Variants in AFF3 observed in about 807,000 individuals in gnomAD.
AFF3 encodes AF4/FMR2 family member 3.
In AFF3, 32 loss-of-function variants were observed where a neutral mutation model predicts 129.7. The ratio of observed to expected loss-of-function variants is 0.25; its 90% CI spans 0.19 to 0.33. AFF3 has a LOEUF of 0.33. Among genes scored for constraint, AFF3 ranks in the 10% least tolerant of loss-of-function variants. The pLI is 1.00. For synonymous variants in AFF3, 644 were observed against 635.4 expected, an observed-to-expected ratio of 1.01 and a Z score of -0.20; for missense variants, 1,373 against 1,592.0, an observed-to-expected ratio of 0.86 and a Z score of 2.34.
chr2:99,979,151 C>T (rs925174871), intron 7 of AFF3, among the ~76,000 whole-genome samples: 9 of 151,000 alleles, frequency 6.0e-5, no homozygotes, highest in African/African-American at 2.2e-4. Flanking sequence ...AGATGAGGAC[C>T]GGGACTAAGT....
intron 7 of AFF3, among the ~76,000 whole-genome samples, chr2:99,994,496 CA>C (rs1252020833): frequency 6.6e-6 from 1 of 152,020 alleles, no homozygotes; most frequent in African/African-American, 2.4e-5. Flanking sequence ...TCTAAATGAG[CA>C]TGTAACCTGT....
chr2:100,116,577 A>C (rs1343294574), intron 2 of AFF3, among the ~76,000 whole-genome samples: 2 of 152,144 alleles, frequency 1.3e-5, no homozygotes, highest in Non-Finnish European at 2.9e-5. Flanking sequence ...AAAGTCCAAT[A>C]TTAATTGTTA....
chr2:99,952,851 C>T (rs1313374796), intron 7 of AFF3, among the ~76,000 whole-genome samples: 1 of 152,182 alleles, frequency 6.6e-6, no homozygotes, highest in African/African-American at 2.4e-5. Context: ...GGGTGCAAAT[C>T]CTGCCTCTCG....
At chr2:100,062,959 G>A (rs1687416614) in intron 4 of AFF3, among the ~76,000 whole-genome samples, 1 of 152,118 alleles carries the variant, frequency 6.6e-6, no homozygotes, top group South Asian at 2.1e-4. Context: ...TATCAAAAAT[G>A]ACCAGGCAGG....
chr2:99,954,754 G>C (rs994013354), intron 7 of AFF3, among the ~76,000 whole-genome samples: 2 of 121,536 alleles, frequency 1.6e-5, no homozygotes, highest in African/African-American at 6.2e-5. Context: ...ATCACACTCT[G>C]GGGACTGTTG....
Position 99,738,232 on chromosome 2 carries a change from T to C in AFF3, c.1039+5872A>G, listed in dbSNP as rs866949534. On this transcript the variant is annotated intron_variant, in intron 10 of 24. Coordinates refer to ENST00000672756, the MANE Select transcript of AFF3 (RefSeq NM_001386135.1). ...TCCCTTAGTGCTCTATTTCTGTTATTATTCATTCCTCTCCATTTTCTTTTT... is the reference window on the plus strand; with the variant it reads ...TCCCTTAGTGCTCTATTTCTGTTATCATTCATTCCTCTCCATTTTCTTTTT... Among the ~76,000 whole-genome samples, 9 of 152,236 alleles carry C rather than the reference T, an allele frequency of 5.9e-5. 1 individual carries two copies. Among genetic ancestry groups the C allele is most frequent in the Middle Eastern group, 3.4e-3 (1 of 294 alleles).
intron 13 of AFF3, among the ~76,000 whole-genome samples, chr2:99,628,879 C>A (rs1178662846): frequency 6.6e-6 from 1 of 152,118 alleles, no homozygotes; most frequent in Non-Finnish European, 1.5e-5. Flanking sequence ...TGCCACCATG[C>A]CCAGTTAATT....
intron 8 of AFF3, 84 bp from the exon 9 acceptor site, chr2:99,752,385 G>A (rs1194689832): frequency 6.2e-6 from 7 of 1,135,178 alleles, no homozygotes; most frequent in African/African-American, 4.6e-5. Flanking sequence ...GTACAAGTGG[G>A]CCTTCATAAG....
At chr2:99,862,473 T>C (rs1475147082) in intron 7 of AFF3, among the ~76,000 whole-genome samples, 1 of 152,238 alleles carries the variant, frequency 6.6e-6, no homozygotes, top group Admixed American at 6.5e-5. Flanking sequence ...TCTCAAACCC[T>C]GGATCACTAA....
Position 100,006,777 on chromosome 2 carries a change from T to A in AFF3, c.728A>T (p.Gln243Leu). The A allele has an allele frequency of 6.2e-7, 1 of 1,614,242 alleles. No individual in the cohort carries two copies. The highest frequency in any genetic ancestry group is 8.5e-7 in the Non-Finnish European group (1 of 1,180,044). The change falls in exon 7 of 25, where the codon CAG (glutamine) becomes CTG (leucine). Residue 243 changes from glutamine to leucine, a missense_variant. By Grantham distance (113) the Gln-to-Leu change is moderately radical (BLOSUM62 -2). This residue lies in a region of AFF3 where 413 missense variants were observed against 424.4 expected (regional missense o/e 0.97). Transcript: ENST00000672756. ...CAGCTTAGGAGACTCATCAGGGGCC[T>A]GATCTTGGCCGTCCATTGGCCTCAC... ...AYVRPMDGQDQAPDESPKLKS... is the reference protein window; with the variant it reads ...AYVRPMDGQDLAPDESPKLKS...
intron 7 of AFF3, among the ~76,000 whole-genome samples, chr2:99,882,954 C>A (rs562653099): frequency 2.0e-5 from 3 of 152,134 alleles, no homozygotes; most frequent in Non-Finnish European, 4.4e-5. Context: ...ATGAAGTGAA[C>A]GTTACTTCTA....
At position 100,142,521 on chromosome 2, in the gene AFF3, A is replaced by C. The variant is rs1466509779; in HGVS notation, c.-265T>G. The C allele has an allele frequency of 6.6e-6, 1 of 152,316 alleles. No homozygotes were observed. Among genetic ancestry groups the C allele is most frequent in the Non-Finnish European group, 1.5e-5 (1 of 68,106 alleles). 9.4% of individuals were successfully genotyped at this position (152,316 alleles called of 1,614,324 possible). ...GTTCCTTTTCTTTCTCTCCCCAGTA[A>C]GTCGTTGAACGTCTTTCTTCTGAGG... On this transcript the variant is annotated 5_prime_UTR_variant, in exon 1 of 25. Transcript: ENST00000672756.
chr2:99,959,737 T>G (rs1299895156), intron 7 of AFF3, among the ~76,000 whole-genome samples: 1 of 150,286 alleles, frequency 6.7e-6, no homozygotes, highest in African/African-American at 2.5e-5. Flanking sequence ...TTATTGGCAT[T>G]TTTCCTCCAA....
chr2:99,546,969 CGT>C lies in AFF3; in HGVS notation c.*4503_*4504del. On this transcript the variant is annotated 3_prime_UTR_variant, in exon 25 of 25. Coordinates refer to ENST00000672756, the MANE Select transcript of AFF3 (RefSeq NM_001386135.1). ...GTGCATACGTGCATGCATGTGCGCG[CGT>C]GTGTGCGTATGTGTATGTATCAGGA... 2 of 221,074 alleles carry C rather than the reference CGT, an allele frequency of 9.0e-6. No individual in the cohort carries two copies. The highest frequency in any genetic ancestry group is 2.8e-3 in the Middle Eastern group (2 of 716). The allele number at this position is 221,074 out of a possible 1,614,324, so 13.7% of individuals were successfully genotyped here.
chr2:100,011,699 A>G, intron 4 of AFF3: 1 of 706,074 alleles, frequency 1.4e-6, no homozygotes, highest in South Asian at 1.5e-5. Flanking sequence ...AAGATCCCGG[A>G]GGGTCAGAAC....
At chr2:99,699,381 C>T (rs1056297156) in intron 11 of AFF3, among the ~76,000 whole-genome samples, 13 of 152,122 alleles carry the variant, frequency 8.5e-5, no homozygotes, top group African/African-American at 3.1e-4. Context: ...AGGGACCATG[C>T]GGTTCACCTA....
intron 13 of AFF3, among the ~76,000 whole-genome samples, chr2:99,625,618 C>T (rs115317626): frequency 0.013 from 2,005 of 151,860 alleles, 44 homozygotes; most frequent in African/African-American, 0.045. Context: ...GGATACTAGA[C>T]GAAATGACAA....
At chr2:99,572,085 A>G (rs534226113) in intron 18 of AFF3, among the ~76,000 whole-genome samples, 1 of 152,090 alleles carries the variant, frequency 6.6e-6, no homozygotes, top group Non-Finnish European at 1.5e-5. Flanking sequence ...TTTTATGATG[A>G]CACATGAGCA....
At chr2:99,962,952 T>C (rs1576439719) in intron 7 of AFF3, among the ~76,000 whole-genome samples, 1 of 150,880 alleles carries the variant, frequency 6.6e-6, no homozygotes, top group African/African-American at 2.4e-5. Context: ...GAAATCCAAA[T>C]AGGATAAACA....
Sources: gnomAD v4.1 joint callset for allele counts (sites outside exome capture counted in the v4.1 genomes callset) on GRCh38, gnomAD v4.1.1 for gene constraint, gnomAD v4.1.1 regional missense constraint, MANE v1.5 for transcripts, NCBI Gene and HGNC (gene_info 2026-07-23, HGNC 2026-07-21) for gene names.